HS6ST3: variants seen among roughly 807,000 people sequenced by gnomAD.
HS6ST3 encodes heparan sulfate 6-O-sulfotransferase 3.
A neutral mutation model predicts 36.7 loss-of-function variants in HS6ST3; 12 were observed. That is an observed-to-expected ratio of 0.33 (90% CI 0.21 to 0.53). The LOEUF (loss-of-function observed/expected upper bound fraction) is 0.53. Among genes scored for constraint, HS6ST3 ranks in the 20% least tolerant of loss-of-function variants. HS6ST3 has a pLI of 0.95. For missense variants in HS6ST3, 584 were observed against 640.9 expected, an observed-to-expected ratio of 0.91 and a Z score of 0.96; for synonymous variants, 240 against 257.5, an observed-to-expected ratio of 0.93 and a Z score of 0.65.
chr13:96,249,198 C>G (rs2054597091), intron 1 of HS6ST3, among the ~76,000 whole-genome samples: 1 of 152,102 alleles, frequency 6.6e-6, no homozygotes, highest in African/African-American at 2.4e-5. Context: ...AGTTGCTTTT[C>G]TACATTTGTG....
intron 1 of HS6ST3, among the ~76,000 whole-genome samples, chr13:96,736,033 C>T (rs1182416728): frequency 1.3e-5 from 2 of 152,036 alleles, no homozygotes; most frequent in Non-Finnish European, 2.9e-5. Context: ...CACATCAACA[C>T]ACAGAGGGGA....
At chr13:96,716,184 C>G (rs1412460519) in intron 1 of HS6ST3, among the ~76,000 whole-genome samples, 1 of 151,912 alleles carries the variant, frequency 6.6e-6, no homozygotes, top group Non-Finnish European at 1.5e-5. Context: ...CTACCATTAT[C>G]TCAAAATTTT....
At chr13:96,732,363 TA>T (rs1424601232) in intron 1 of HS6ST3, among the ~76,000 whole-genome samples, 1 of 152,238 alleles carries the variant, frequency 6.6e-6, no homozygotes, top group African/African-American at 2.4e-5. Flanking sequence ...TGGTGTGATA[TA>T]AGGGTCCAAA....
At chr13:96,578,945 C>T (rs933857149) in intron 1 of HS6ST3, among the ~76,000 whole-genome samples, 1 of 152,150 alleles carries the variant, frequency 6.6e-6, no homozygotes, top group Admixed American at 6.5e-5. Flanking sequence ...AGAGCTAGGA[C>T]ATTCTCTGTA....
At chr13:96,420,259 G>T (rs2139467633) in intron 1 of HS6ST3, among the ~76,000 whole-genome samples, 1 of 152,076 alleles carries the variant, frequency 6.6e-6, no homozygotes, top group South Asian at 2.1e-4. Flanking sequence ...TATATGAGGG[G>T]ATTACGGTAC....
chr13:96,260,561 C>G (rs1308706522), intron 1 of HS6ST3, among the ~76,000 whole-genome samples: 1 of 152,134 alleles, frequency 6.6e-6, no homozygotes, highest in African/African-American at 2.4e-5. Context: ...GATCCACCCA[C>G]CTCGGCCTCC....
intron 1 of HS6ST3, among the ~76,000 whole-genome samples, chr13:96,772,311 A>G (rs1223338323): frequency 6.6e-6 from 1 of 152,222 alleles, no homozygotes; most frequent in Non-Finnish European, 1.5e-5. Flanking sequence ...AATATGCCTC[A>G]TTCCACTGCA....
chr13:96,812,105 C>T (rs1315273311), intron 1 of HS6ST3, among the ~76,000 whole-genome samples: 4 of 152,202 alleles, frequency 2.6e-5, no homozygotes, highest in Admixed American at 1.3e-4. Flanking sequence ...CAACCTTGCA[C>T]TAGTTAAAGA....
intron 1 of HS6ST3, among the ~76,000 whole-genome samples, chr13:96,688,570 T>C (rs1452603987): frequency 1.3e-5 from 2 of 152,078 alleles, no homozygotes; most frequent in South Asian, 2.1e-4. Context: ...TCACTTGATA[T>C]AGAGCTTTAT....
chr13:96,811,409 T>C (rs1031755342), intron 1 of HS6ST3, among the ~76,000 whole-genome samples: 2 of 152,210 alleles, frequency 1.3e-5, no homozygotes, highest in Non-Finnish European at 2.9e-5. Context: ...TAAAGAATCT[T>C]TGGAGAATGT....
intron 1 of HS6ST3, among the ~76,000 whole-genome samples, chr13:96,810,545 A>C (rs1167888276): frequency 6.6e-6 from 1 of 152,184 alleles, no homozygotes. Context: ...AAAACCCTGG[A>C]GGTTGGTACT....
At chr13:96,168,264 G>A (rs1051564435) in intron 1 of HS6ST3, among the ~76,000 whole-genome samples, 6 of 152,128 alleles carry the variant, frequency 3.9e-5, no homozygotes, top group African/African-American at 1.4e-4. Context: ...AGCTCCCCGG[G>A]AGAATCATTA....
At chr13:96,109,987 C>G (rs1170604601) in intron 1 of HS6ST3, among the ~76,000 whole-genome samples, 1 of 152,156 alleles carries the variant, frequency 6.6e-6, no homozygotes, top group Admixed American at 6.5e-5. Flanking sequence ...GGTGTGGGCA[C>G]AGAGCTGCAA....
At chr13:96,660,619 A>C (rs576954900) in intron 1 of HS6ST3, among the ~76,000 whole-genome samples, 1 of 152,296 alleles carries the variant, frequency 6.6e-6, no homozygotes, top group East Asian at 1.9e-4. Context: ...TGGACTTGGC[A>C]ATGATTTTTG....
At chr13:96,611,745 CA>C (rs2056457677) in intron 1 of HS6ST3, among the ~76,000 whole-genome samples, 1 of 152,106 alleles carries the variant, frequency 6.6e-6, no homozygotes, top group African/African-American at 2.4e-5. Context: ...GAAAAGTCAT[CA>C]AATTATGAAG....
chr13:96,255,288 T>C (rs564668467), intron 1 of HS6ST3, among the ~76,000 whole-genome samples: 1 of 152,274 alleles, frequency 6.6e-6, no homozygotes, highest in African/African-American at 2.4e-5. Flanking sequence ...GATGTCTTCC[T>C]GCAAACAAGG....
chr13:96,259,506 C>T (rs1014544567), intron 1 of HS6ST3, among the ~76,000 whole-genome samples: 8 of 152,270 alleles, frequency 5.3e-5, no homozygotes, highest in Non-Finnish European at 1.2e-4. Context: ...GATGTAAAAT[C>T]TAGACAAATC....
rs367557837 is a variant in HS6ST3, at chr13:96,528,458, C to T, written c.708-304032C>T. ...CTCCATGAGCTGCTTGACAGGGGCCCAATACTGATGAAATTGTTGGTGAAA... is the reference window on the plus strand; with the variant it reads ...CTCCATGAGCTGCTTGACAGGGGCCTAATACTGATGAAATTGTTGGTGAAA... On this transcript the variant is annotated intron_variant, in intron 1 of 1. Transcript: ENST00000376705. Among the ~76,000 whole-genome samples, 4 of 151,982 alleles carry T rather than the reference C, an allele frequency of 2.6e-5. No individual in the cohort carries two copies. In the East Asian group the frequency reaches 7.7e-4, roughly 29 times the overall value.
chr13:96,554,427 C>T (rs2056231762), intron 1 of HS6ST3, among the ~76,000 whole-genome samples: 1 of 152,088 alleles, frequency 6.6e-6, no homozygotes, highest in Admixed American at 6.5e-5. Flanking sequence ...TGTTAATATC[C>T]ATTTTCAGAA....
Sources: allele counts gnomAD v4.1 joint callset (sites outside exome capture counted in the v4.1 genomes callset), GRCh38; gene constraint gnomAD v4.1.1; transcripts MANE v1.5; gene names NCBI Gene and HGNC (gene_info 2026-07-23, HGNC 2026-07-21).